PRKAR1B: variants seen among roughly 807,000 people sequenced by gnomAD.
The protein encoded by PRKAR1B is cAMP-dependent protein kinase type I-beta regulatory subunit.
In PRKAR1B, 22 loss-of-function variants were observed where a neutral mutation model predicts 46.5. The ratio of observed to expected loss-of-function variants is 0.47; its 90% confidence interval spans 0.34 to 0.68. The LOEUF (loss-of-function observed/expected upper bound fraction) is 0.68. Among genes scored for constraint, PRKAR1B ranks in the 30% least tolerant of loss-of-function variants. PRKAR1B has a pLI of 0.01. For missense variants in PRKAR1B, 445 were observed against 535.6 expected (o/e 0.83, Z 1.67); for synonymous variants, 259 against 217.7 (o/e 1.19, Z -1.67).
intron 6 of PRKAR1B, among the ~76,000 whole-genome samples, chr7:601,029 C>T (rs552970181): frequency 3.9e-5 from 6 of 152,234 alleles, no homozygotes; most frequent in Non-Finnish European, 8.8e-5. Context: ...CTGGACGCTG[C>T]TGGTCAGAGG....
intron 9 of PRKAR1B, chr7:565,535 A>G (rs957258699): frequency 6.6e-6 from 1 of 152,242 alleles, no homozygotes; most frequent in Non-Finnish European, 1.5e-5. Flanking sequence ...GAGGCTATAA[A>G]TATACGCCGG....
intron 4 of PRKAR1B, 69 bp from the exon 5 acceptor site, chr7:607,521 A>G (rs564291448): frequency 9.1e-5 from 119 of 1,314,194 alleles, no homozygotes; most frequent in Middle Eastern, 5.5e-4. Context: ...TCCTCCCCTC[A>G]TTTCACAGTC....
intron 9 of PRKAR1B, among the ~76,000 whole-genome samples, chr7:553,969 G>A (rs1562514024): frequency 1.3e-5 from 2 of 152,258 alleles, no homozygotes. Flanking sequence ...GGGGGAGACA[G>A]GGAGCGTGCC....
At chr7:631,639 T>C (rs1324012856) in intron 4 of PRKAR1B, among the ~76,000 whole-genome samples, 1 of 152,116 alleles carries the variant, frequency 6.6e-6, no homozygotes, top group East Asian at 1.9e-4. Context: ...CCGAGCACAC[T>C]GGGGATCCTG....
intron 4 of PRKAR1B, among the ~76,000 whole-genome samples, chr7:631,518 A>G (rs1396217721): frequency 6.6e-6 from 1 of 152,216 alleles, no homozygotes; most frequent in Non-Finnish European, 1.5e-5. Context: ...CCAGTCTCAC[A>G]GCCCAGCACA....
At chr7:638,726 A>G (rs1343833975) in intron 4 of PRKAR1B, among the ~76,000 whole-genome samples, 4 of 152,230 alleles carry the variant, frequency 2.6e-5, no homozygotes, top group Non-Finnish European at 5.9e-5. Flanking sequence ...TGACAAGATG[A>G]CACCAAACTG....
intron 1 of PRKAR1B, among the ~76,000 whole-genome samples, chr7:715,876 C>T (rs1299205940): frequency 6.6e-5 from 10 of 151,960 alleles, no homozygotes; most frequent in South Asian, 2.1e-4. Context: ...CCACCGCGCC[C>T]GGCTAATTTT....
chr7:703,191 T>G (rs1780151784), intron 2 of PRKAR1B, among the ~76,000 whole-genome samples: 1 of 152,198 alleles, frequency 6.6e-6, no homozygotes, highest in Non-Finnish European at 1.5e-5. Flanking sequence ...GAGGGTTTAT[T>G]CACATGAAAA....
chr7:722,684 T>G lies in PRKAR1B; in HGVS notation c.-23+4526A>C, dbSNP rs527989045. Among the ~76,000 whole-genome samples the G allele has an allele frequency of 1.2e-4, 19 of 152,374 alleles. No individual in the cohort carries two copies. In the South Asian group the frequency reaches 3.1e-3, roughly 25 times the overall value. On this transcript the variant is annotated intron_variant, in intron 1 of 10. Coordinates refer to ENST00000537384, the MANE Select transcript of PRKAR1B (RefSeq NM_001164760.2). Reference sequence around the variant, plus strand: ...ACCGCGCCCAGCTGGTTCTTATGACTCTGCTTTAAAATTCTTGGCAGATGA... The same window carrying G: ...ACCGCGCCCAGCTGGTTCTTATGACGCTGCTTTAAAATTCTTGGCAGATGA...
rs140000107 is a variant in PRKAR1B at position 644,798 on chromosome 7, A to C, written c.440+32431T>G. 4.6e-3 allele frequency among the ~76,000 whole-genome samples: 706 copies of C among 152,194 alleles called. 8 individuals are homozygous for C. Among genetic ancestry groups the C allele is most frequent in the African/African-American group, 0.016 (673 of 41,522 alleles). ...CCCCAGACACCTCCCATAGCCTTCCAGGGAAGCGGGCCCCAAAGAGGCTGG... is the reference window on the plus strand; with the variant it reads ...CCCCAGACACCTCCCATAGCCTTCCCGGGAAGCGGGCCCCAAAGAGGCTGG... On this transcript the variant is annotated intron_variant, in intron 4 of 10. Transcript: ENST00000537384. The surrounding 1 kb of genome is among the most constrained non-coding windows in gnomAD (Gnocchi z 4.9).
At chr7:620,550 T>C (rs1783058661) in intron 4 of PRKAR1B, among the ~76,000 whole-genome samples, 1 of 152,188 alleles carries the variant, frequency 6.6e-6, no homozygotes, top group African/African-American at 2.4e-5. Flanking sequence ...TTCATTGTGA[T>C]GGGAAGGAAT....
chr7:554,706 G>A (rs1193263054), intron 9 of PRKAR1B, among the ~76,000 whole-genome samples: 1 of 148,778 alleles, frequency 6.7e-6, no homozygotes, highest in African/African-American at 2.5e-5. Context: ...GACAGGGGAG[G>A]CCACGGATCC....
chr7:601,805 C>T (rs1664928604), intron 6 of PRKAR1B, among the ~76,000 whole-genome samples: 1 of 152,162 alleles, frequency 6.6e-6, no homozygotes, highest in African/African-American at 2.4e-5. Context: ...AGTGGGCATC[C>T]ACCCACGGGG....
At chr7:551,358 G>C in intron 10 of PRKAR1B, 31 bp downstream of exon 10, 2 of 1,545,624 alleles carry the variant, frequency 1.3e-6, no homozygotes, top group Non-Finnish European at 1.7e-6. Context: ...GGCCACAGCC[G>C]TGCGAGGGAG....
At chr7:641,911 T>C (rs1265092772) in intron 4 of PRKAR1B, among the ~76,000 whole-genome samples, 1 of 152,154 alleles carries the variant, frequency 6.6e-6, no homozygotes, top group Non-Finnish European at 1.5e-5. Context: ...TTTACTTTTG[T>C]CACTTTTTTT....
chr7:696,868 A>G (rs73047924), intron 2 of PRKAR1B: 20,891 of 152,516 alleles, frequency 0.14, 1,582 homozygotes, highest in Middle Eastern at 0.19. Context: ...AAAGGGGGAC[A>G]GCGAGCAGGG....
At chr7:698,967 C>T (rs1275867315) in intron 2 of PRKAR1B, among the ~76,000 whole-genome samples, 2 of 152,256 alleles carry the variant, frequency 1.3e-5, no homozygotes, top group Non-Finnish European at 1.5e-5. Context: ...ACCCCAGCTC[C>T]AGCCTGCCAC....
Position 675,986 on chromosome 7 carries a change from C to T in PRKAR1B, c.440+1243G>A, listed in dbSNP as rs192709387. The stretch of plus-strand genomic sequence containing the variant: ...TAGAGATTTAAAAAATGCAAACAGC[C>T]GCAGTAGGAAAACAGCTAATTCACA... On this transcript the variant is annotated intron_variant, in intron 4 of 10. Transcript: ENST00000537384. 4.3e-4 allele frequency among the ~76,000 whole-genome samples: 66 copies of T among 151,884 alleles called. 1 individual carries two copies. Among genetic ancestry groups the T allele is most frequent in the Admixed American group, 4.1e-3 (63 of 15,234 alleles).
At chr7:726,709 G>A in intron 1 of PRKAR1B, 1 of 1,238,388 alleles carries the variant, frequency 8.1e-7, no homozygotes. Flanking sequence ...AGTGACCGGC[G>A]ACGCGGGCAA....
Sources: gnomAD v4.1 joint callset for allele counts (sites outside exome capture counted in the v4.1 genomes callset) on GRCh38, gnomAD v4.1.1 for gene constraint, Gnocchi (gnomAD v3.1) non-coding constraint, MANE v1.5 for transcripts, NCBI Gene and HGNC (gene_info 2026-07-23, HGNC 2026-07-21) for gene names.